Variants in ELN observed in about 807,000 individuals in gnomAD.
ELN encodes the protein elastin.
A neutral mutation model predicts 105.8 loss-of-function variants in ELN; 65 were observed. The observed-to-expected ratio is 0.61, with a 90% CI of 0.50 to 0.75. The LOEUF (loss-of-function observed/expected upper bound fraction) is 0.75, where lower values mean the gene tolerates loss of function less well. Among genes scored for constraint, ELN ranks in the 30% least tolerant of loss-of-function variants. The probability of loss-of-function intolerance (pLI) is 0.00; values close to 1 mark genes in which losing one functional copy is unlikely to be tolerated. For missense variants in ELN, 882 were observed against 969.4 expected, an observed-to-expected ratio of 0.91 and a Z score of 1.20; for synonymous variants, 368 against 389.2, an observed-to-expected ratio of 0.95 and a Z score of 0.64.
At chr7:74,034,706 A>G (rs984257749) in intron 1 of ELN, among the ~76,000 whole-genome samples, 1 of 146,812 alleles carries the variant, frequency 6.8e-6, no homozygotes, top group Non-Finnish European at 1.5e-5. Context: ...CTCTGTCTCA[A>G]AAATAAAGCA....
In ELN at chr7:74,051,654, A is replaced by T. The variant is rs562130989; in HGVS notation, c.800-96A>T. On this transcript the variant is annotated intron_variant, in intron 15 of 32. Transcript: ENST00000252034. ...CACCCGGGCCCCATTCCTGGATAAG[A>T]TCACACTGGTGAAAACGCCGGCGTC... is the stretch of plus-strand genomic sequence containing the variant. 3.6e-5 allele frequency: 51 copies of T among 1,424,086 alleles called. No individual in the cohort carries two copies. In the South Asian group the frequency reaches 5.6e-4, roughly 16 times the overall value. 88.2% of individuals were successfully genotyped at this position (1,424,086 alleles called of 1,614,324 possible).
chr7:74,035,311 C>G lies in ELN; in HGVS notation c.83-53C>G. 2.5e-6 allele frequency: 4 copies of G among 1,603,876 alleles called. No homozygotes were observed. The South Asian group carries it at 4.4e-5, about 18-fold the overall frequency. On this transcript the variant is annotated intron_variant, in intron 1 of 32. Coordinates refer to ENST00000252034, the MANE Select transcript of ELN (RefSeq NM_000501.4). ...GGCAAAAATCGCAGTTACTTTTGCA[C>G]CAGCCTAATAGTTCTGGCTCCTGGA...
In ELN at chr7:74,063,509, G is replaced by A; in HGVS notation, c.1919-112G>A. On this transcript the variant is annotated intron_variant, in intron 28 of 32. Coordinates refer to ENST00000252034, the MANE Select transcript of ELN (RefSeq NM_000501.4). The surrounding 1 kb of genome is among the most constrained non-coding windows in gnomAD (Gnocchi z 4.1). ...CTCCACTGTGCCATCGAAGGCCAGG[G>A]GAGACCTCAGGCTCCACCTGTGTCC... 1 of 1,609,390 alleles carries A rather than the reference G, an allele frequency of 6.2e-7. No homozygotes were observed. The highest frequency in any genetic ancestry group is 1.1e-5 in the South Asian group (1 of 90,928).
intron 2 of ELN, chr7:74,035,680 G>A (rs1554665147): frequency 1.8e-6 from 1 of 546,414 alleles, no homozygotes; most frequent in Non-Finnish European, 3.4e-6. Context: ...GACCAGCCTG[G>A]ACAACATAGT....
chr7:74,063,826 G>A lies in ELN; in HGVS notation c.1993+131G>A. 2 of 1,303,590 alleles carry A rather than the reference G, an allele frequency of 1.5e-6. No homozygotes were observed. The highest frequency in any genetic ancestry group is 1.5e-5 in the African/African-American group (1 of 68,786). The allele number at this position is 1,303,590 out of a possible 1,614,324, so 80.8% of individuals were successfully genotyped here. On this transcript the variant is annotated intron_variant, in intron 29 of 32. Transcript: ENST00000252034. The surrounding 1 kb of genome is among the most constrained non-coding windows in gnomAD (Gnocchi z 4.1). ...TTTGCTCAAGATGTCCTCTTGGCCA[G>A]GTGCGGTGGCTCACGCCTGCAATCC...
chr7:74,035,517 C>T, intron 2 of ELN, 103 bp downstream of exon 2: 2 of 1,394,816 alleles, frequency 1.4e-6, no homozygotes, highest in Non-Finnish European at 2.0e-6. Context: ...CATTGACACG[C>T]CTACCAGAAG....
chr7:74,039,191 G>A (rs56348328), intron 4 of ELN, among the ~76,000 whole-genome samples: 274 of 152,354 alleles, frequency 1.8e-3, no homozygotes, highest in Middle Eastern at 6.8e-3. Context: ...AACTCCCTAC[G>A]AAGTTCCAGG....
Position 74,063,588 on chromosome 7 carries a change from C to A in ELN, c.1919-33C>A, listed in dbSNP as rs782775212. 1 of 1,614,058 alleles carries A rather than the reference C, an allele frequency of 6.2e-7. No individual in the cohort carries two copies. Among genetic ancestry groups the A allele is most frequent in the Non-Finnish European group, 8.5e-7 (1 of 1,179,918 alleles). The stretch of plus-strand genomic sequence containing the variant: ...CGAGGCTTCAGTCCCACCTTTCTGA[C>A]CAGCGGAGTCTAATGCTCAGCTGTC... On this transcript the variant is annotated intron_variant, in intron 28 of 32. Coordinates refer to ENST00000252034, the MANE Select transcript of ELN (RefSeq NM_000501.4). The surrounding 1 kb of genome is among the most constrained non-coding windows in gnomAD (Gnocchi z 4.1).
chr7:74,040,345 T>G (rs1299372869), intron 4 of ELN, among the ~76,000 whole-genome samples: 1 of 152,158 alleles, frequency 6.6e-6, no homozygotes, highest in Non-Finnish European at 1.5e-5. Context: ...CGCCAGGCAC[T>G]CCCGCCCGGA....
In ELN at chr7:74,042,892, G is replaced by C. The variant is rs191823533; in HGVS notation, c.326-92G>C. On this transcript the variant is annotated intron_variant, in intron 6 of 32. Transcript: ENST00000252034. ...TGAAGGTGAGTTAGTAACGGGGCCA[G>C]ACCTCAATGCTGGGCCCTCAGCATG... 628 of 1,606,168 alleles carry C rather than the reference G, an allele frequency of 3.9e-4. 11 individuals carry two copies. The East Asian group carries it at 0.01, about 27-fold the overall frequency.
intron 1 of ELN, among the ~76,000 whole-genome samples, chr7:74,032,713 C>G (rs1554663147): frequency 1.3e-5 from 2 of 151,984 alleles, no homozygotes. Context: ...AAGTCTTCCC[C>G]CCAGAAAGTG....
At chr7:74,045,685 G>A (rs1792301886) in intron 10 of ELN, 7 of 348,862 alleles carry the variant, frequency 2.0e-5, no homozygotes, top group South Asian at 1.7e-4. Flanking sequence ...CAAGGTTGTC[G>A]TGAGCTATGA....
chr7:74,066,918 C>A, intron 32 of ELN, 142 bp downstream of exon 32: 2 of 831,948 alleles, frequency 2.4e-6, no homozygotes, highest in East Asian at 2.7e-5. Context: ...CGAGGCTGGA[C>A]CCCGAGCTGA....
At chr7:74,057,791 C>T in intron 22 of ELN, 95 bp downstream of exon 22, 1 of 1,429,344 alleles carries the variant, frequency 7.0e-7, no homozygotes, top group South Asian at 1.2e-5. Context: ...TGTTCCTTTC[C>T]ACCCCACTTA....
chr7:74,035,067 C>T (rs1247625167), intron 1 of ELN, among the ~76,000 whole-genome samples: 1 of 152,246 alleles, frequency 6.6e-6, no homozygotes, highest in Non-Finnish European at 1.5e-5. Context: ...CACCACTGCA[C>T]TCCAGCCTGG....
intron 15 of ELN, among the ~76,000 whole-genome samples, chr7:74,051,391 T>C (rs564594201): frequency 2.0e-5 from 3 of 152,190 alleles, no homozygotes; most frequent in Non-Finnish European, 4.4e-5. Context: ...GCGCTTGGAT[T>C]ACAAACTTGG....
In ELN at chr7:74,068,817, A is replaced by T; in HGVS notation, c.*117A>T. On this transcript the variant is annotated 3_prime_UTR_variant, in exon 33 of 33. Transcript: ENST00000252034. ...CTCCGACTCCCCACCCCAGGAGGGA[A>T]CGGGCAGGCCGGGCGGCCTTGCAGA... 7.4e-7 allele frequency: 1 copy of T among 1,346,566 alleles called. No homozygotes were observed. 83.4% of individuals were successfully genotyped at this position (1,346,566 alleles called of 1,614,324 possible).
At chr7:74,046,037 GA>G (rs1792419990) in intron 10 of ELN, 150 bp from the exon 11 acceptor site, 8 of 1,126,436 alleles carry the variant, frequency 7.1e-6, no homozygotes, top group Non-Finnish European at 1.0e-5. Flanking sequence ...CTCCATCTCC[GA>G]AAAAAGAAAC....
intron 18 of ELN, among the ~76,000 whole-genome samples, chr7:74,054,206 G>A (rs749028703): frequency 3.9e-5 from 6 of 152,100 alleles, no homozygotes; most frequent in African/African-American, 1.4e-4. Flanking sequence ...AGTGGCTCAC[G>A]CCTATAATCT....
Sources: gnomAD v4.1 joint callset for allele counts (sites outside exome capture counted in the v4.1 genomes callset) on GRCh38, gnomAD v4.1.1 for gene constraint, Gnocchi (gnomAD v3.1) non-coding constraint, MANE v1.5 for transcripts, NCBI Gene and HGNC (gene_info 2026-07-23, HGNC 2026-07-21) for gene names.